Variants in TMEM120B observed in about 807,000 individuals in gnomAD.
TMEM120B encodes the protein transmembrane protein 120B.
TMEM120B carries 31 observed loss-of-function variants against 55.5 expected under a neutral mutation model. That is an observed-to-expected ratio of 0.56 (90% confidence interval 0.42 to 0.75). TMEM120B has a LOEUF of 0.75. Among genes scored for constraint, TMEM120B ranks in the 30% least tolerant of loss-of-function variants. The pLI is 0.00. For missense variants in TMEM120B, 399 were observed against 425.5 expected (o/e 0.94, Z 0.55); for synonymous variants, 203 against 176.3 (o/e 1.15, Z -1.20).
Position 121,743,663 on chromosome 12 carries a change from A to T in TMEM120B, c.104A>T (p.Glu35Val). Reference protein sequence around the residue: ...THRIYKQKLEELAALQTLCSS... With the variant: ...THRIYKQKLEVLAALQTLCSS... ...AGGATCTACAAGCAGAAGCTGGAGG[A>T]GCTGGCTGCGCTGCAGACGCTGTGT... Residue 35 changes from glutamate to valine, a missense_variant, in exon 2 of 12, where the codon GAG becomes GTG. This residue lies in a region of TMEM120B where 133 missense variants were observed against 104.1 expected (regional missense o/e 1.28). Transcript: ENST00000449592. 6.2e-7 allele frequency: 1 copy of T among 1,613,534 alleles called. No individual in the cohort carries two copies. The highest frequency in any genetic ancestry group is 8.5e-7 in the Non-Finnish European group (1 of 1,179,940).
Position 121,775,929 on chromosome 12 carries a change from C to T in TMEM120B, c.*207C>T, listed in dbSNP as rs1874230249. 1.6e-6 allele frequency: 1 copy of T among 620,048 alleles called. No individual in the cohort carries two copies. Among genetic ancestry groups the T allele is most frequent in the Non-Finnish European group, 2.9e-6 (1 of 350,840 alleles). The allele number at this position is 620,048 out of a possible 1,614,324, so 38.4% of individuals were successfully genotyped here. A position where few individuals can be genotyped will look rare whatever the true frequency, so the allele number is the denominator to read the frequency against. On this transcript the variant is annotated 3_prime_UTR_variant, in exon 12 of 12. Transcript: ENST00000449592. This position sits in a 1 kb window ranked among gnomAD's most constrained non-coding sequence, Gnocchi z 4.3. ...ATTTATGACATATTTAATGCTGGGT[C>T]CCCCATCGTCCCTGGAACCCGAGGC... is the stretch of plus-strand genomic sequence containing the variant.
At chr12:121,772,117 CTCTCTCTT>C (rs1175714104) in intron 8 of TMEM120B, among the ~76,000 whole-genome samples, 1 of 148,192 alleles carries the variant, frequency 6.7e-6, no homozygotes, top group Non-Finnish European at 1.5e-5. Context: ...CTTTCTCTCT[CTCTCTCTT>C]TCTCTCTTTC....
Position 121,752,241 on chromosome 12 carries a change from G to A in TMEM120B, c.461+18G>A. The A allele has an allele frequency of 6.2e-7, 1 of 1,609,892 alleles. No homozygotes were observed. The highest frequency in any genetic ancestry group is 8.5e-7 in the Non-Finnish European group (1 of 1,176,582). Reference sequence around the variant, plus strand: ...CACTACAGGTAGTGGGTGTGGCCGTGTGTGCCTGGGCCTGGGCATGCAGAC... The same window carrying A: ...CACTACAGGTAGTGGGTGTGGCCGTATGTGCCTGGGCCTGGGCATGCAGAC... On this transcript the variant is annotated intron_variant, in intron 5 of 11. Coordinates refer to ENST00000449592, the MANE Select transcript of TMEM120B (RefSeq NM_001080825.2).
At chr12:121,738,849 C>T (rs182166489) in intron 1 of TMEM120B, among the ~76,000 whole-genome samples, 1 of 152,278 alleles carries the variant, frequency 6.6e-6, no homozygotes, top group Admixed American at 6.5e-5. Context: ...CCGCAGACCC[C>T]CACTGGGGGA....
chr12:121,773,526 G>A lies in TMEM120B; in HGVS notation c.772+13G>A. On this transcript the variant is annotated intron_variant, in intron 9 of 11. Coordinates refer to ENST00000449592, the MANE Select transcript of TMEM120B (RefSeq NM_001080825.2). ...GATCTCACAGTGGGTGAGTAGCTGG[G>A]CCTGGGTTGGAGCCGGGGCAGGTAC... 6.4e-7 allele frequency: 1 copy of A among 1,573,036 alleles called. No individual in the cohort carries two copies. The highest frequency in any genetic ancestry group is 8.6e-7 in the Non-Finnish European group (1 of 1,157,806).
intron 5 of TMEM120B, among the ~76,000 whole-genome samples, chr12:121,757,139 G>T (rs1873498512): frequency 1.2e-5 from 1 of 80,612 alleles, no homozygotes; most frequent in Non-Finnish European, 2.8e-5. Context: ...TCCCTGGGCG[G>T]TGGGGGGGGG....
chr12:121,718,861 G>A (rs1223439397), intron 1 of TMEM120B, among the ~76,000 whole-genome samples: 1 of 152,142 alleles, frequency 6.6e-6, no homozygotes, highest in Admixed American at 6.6e-5. Context: ...CTGGATCCAG[G>A]AGCTCAGGTG....
chr12:121,776,023 G>T lies in TMEM120B; in HGVS notation c.*301G>T. 2 of 589,736 alleles carry T rather than the reference G, an allele frequency of 3.4e-6. No homozygotes were observed. The highest frequency in any genetic ancestry group is 3.0e-6 in the Non-Finnish European group (1 of 331,156). 36.5% of individuals were successfully genotyped at this position (589,736 alleles called of 1,614,324 possible). ...CTGGGGATGGGGCCTGAAGCCTCAGGGAGCCCCTCTGTTCCCACTCCTGTC... is the reference window on the plus strand; with the variant it reads ...CTGGGGATGGGGCCTGAAGCCTCAGTGAGCCCCTCTGTTCCCACTCCTGTC... On this transcript the variant is annotated 3_prime_UTR_variant, in exon 12 of 12. Coordinates refer to ENST00000449592, the MANE Select transcript of TMEM120B (RefSeq NM_001080825.2).
intron 1 of TMEM120B, among the ~76,000 whole-genome samples, chr12:121,735,926 G>T (rs1182942746): frequency 6.6e-6 from 1 of 152,024 alleles, no homozygotes; most frequent in African/African-American, 2.4e-5. Context: ...CCCTGACCTC[G>T]TGATCCACCC....
chr12:121,728,357 T>C (rs992508232), intron 1 of TMEM120B, among the ~76,000 whole-genome samples: 7 of 151,144 alleles, frequency 4.6e-5, no homozygotes, highest in African/African-American at 1.7e-4. Context: ...GGCATGGTGG[T>C]GGGCGCCTGT....
rs970752763 is a variant in TMEM120B, at chr12:121,769,069, C to T, written c.552-1838C>T. Among the ~76,000 whole-genome samples the T allele has an allele frequency of 2.6e-5, 4 of 151,562 alleles. No homozygotes were observed. The East Asian group carries it at 5.8e-4, about 22-fold the overall frequency. On this transcript the variant is annotated intron_variant, in intron 6 of 11. Transcript: ENST00000449592. ...ACTGAGGCAGGAGAATTGCCTGAAC[C>T]CAGGAGGCGGAGGTTGTAGTGAGCC...
chr12:121,770,438 A>G (rs1475597415), intron 6 of TMEM120B, among the ~76,000 whole-genome samples: 2 of 152,146 alleles, frequency 1.3e-5, no homozygotes, highest in African/African-American at 2.4e-5. Flanking sequence ...GCTTCAGTGC[A>G]GGAATTGGAG....
At chr12:121,768,230 C>T (rs913941547) in intron 6 of TMEM120B, among the ~76,000 whole-genome samples, 4 of 152,214 alleles carry the variant, frequency 2.6e-5, no homozygotes, top group Admixed American at 1.3e-4. Flanking sequence ...GTCACCTCTG[C>T]GCTGGTGGCA....
At chr12:121,750,299 C>T in intron 3 of TMEM120B, 81 bp from the exon 4 acceptor site, 1 of 1,320,826 alleles carries the variant, frequency 7.6e-7, no homozygotes. Flanking sequence ...GGGATGTGCT[C>T]ATTAAGTGTG....
In TMEM120B at chr12:121,774,618, A is replaced by G. The variant is rs570116093; in HGVS notation, c.773-40A>G. Reference sequence around the variant, plus strand: ...TCTGGTGGAGCTGTGGGGGCAGCGGACCCCCTCAGCGGGTCCTTTTTCTTC... The same window carrying G: ...TCTGGTGGAGCTGTGGGGGCAGCGGGCCCCCTCAGCGGGTCCTTTTTCTTC... On this transcript the variant is annotated intron_variant, in intron 9 of 11. Coordinates refer to ENST00000449592, the MANE Select transcript of TMEM120B (RefSeq NM_001080825.2). 1.9e-6 allele frequency: 3 copies of G among 1,594,818 alleles called. No homozygotes were observed. In the South Asian group the frequency reaches 3.3e-5, roughly 18 times the overall value.
intron 3 of TMEM120B, among the ~76,000 whole-genome samples, chr12:121,749,365 T>C (rs1193884704): frequency 1.3e-5 from 2 of 152,224 alleles, no homozygotes; most frequent in Admixed American, 1.3e-4. Context: ...CAGTTGGGAA[T>C]CTTTGGATTG....
intron 6 of TMEM120B, among the ~76,000 whole-genome samples, chr12:121,766,906 T>C (rs1448508511): frequency 1.3e-5 from 2 of 152,150 alleles, no homozygotes; most frequent in Non-Finnish European, 1.5e-5. Flanking sequence ...CTAGGAGGGA[T>C]CCTCAGTGGA....
At chr12:121,736,811 T>C (rs1895126050) in intron 1 of TMEM120B, among the ~76,000 whole-genome samples, 1 of 152,034 alleles carries the variant, frequency 6.6e-6, no homozygotes, top group Non-Finnish European at 1.5e-5. Context: ...TCCCAAAGTG[T>C]CGGGATTACA....
chr12:121,775,475 ATC>A lies in TMEM120B; in HGVS notation c.907-130_907-129del, dbSNP rs1874208845. ...CTCACCCTTCCCCCAGGTCTCCTGA[ATC>A]TCTGCCTTCGATGGCAAAACCCTGC... On this transcript the variant is annotated intron_variant, in intron 11 of 11. Coordinates refer to ENST00000449592, the MANE Select transcript of TMEM120B (RefSeq NM_001080825.2). This position sits in a 1 kb window ranked among gnomAD's most constrained non-coding sequence, Gnocchi z 4.3. 6.9e-7 allele frequency: 1 copy of A among 1,448,882 alleles called. No homozygotes were observed. The highest frequency in any genetic ancestry group is 1.4e-5 in the African/African-American group (1 of 70,298). 89.8% of individuals were successfully genotyped at this position (1,448,882 alleles called of 1,614,324 possible). A position where few individuals can be genotyped will look rare whatever the true frequency, so the allele number is the denominator to read the frequency against.
Sources: allele counts gnomAD v4.1 joint callset (sites outside exome capture counted in the v4.1 genomes callset), GRCh38; gene constraint gnomAD v4.1.1; regional missense constraint gnomAD v4.1.1; non-coding constraint Gnocchi (gnomAD v3.1); transcripts MANE v1.5; gene names NCBI Gene and HGNC (gene_info 2026-07-23, HGNC 2026-07-21).